PHKG2: variants seen among roughly 807,000 people sequenced by gnomAD.
PHKG2 encodes the protein phosphorylase kinase catalytic subunit gamma 2.
Under a neutral mutation model 44.5 loss-of-function variants are expected in PHKG2, and 28 were observed. That is an observed-to-expected ratio of 0.63 (90% CI 0.47 to 0.86). The LOEUF (loss-of-function observed/expected upper bound fraction) is 0.86. Ranked by LOEUF, PHKG2 falls within the 40% of genes least tolerant of loss-of-function variation. The pLI is 0.00. For missense variants in PHKG2, 498 were observed against 547.5 expected (o/e 0.91, Z 0.90); for synonymous variants, 220 against 211.2 (o/e 1.04, Z -0.36).
Position 30,757,295 on chromosome 16 carries a change from A to T in PHKG2, c.*198A>T. ...CTGGGGTGGAAGGGAGCCATTCTGA[A>T]CGCCACGCCTGGCCCGGTCAGTGCT... On this transcript the variant is annotated 3_prime_UTR_variant, in exon 10 of 10. Coordinates refer to ENST00000563588, the MANE Select transcript of PHKG2 (RefSeq NM_000294.3). 6.5e-7 allele frequency: 1 copy of T among 1,538,588 alleles called. No individual in the cohort carries two copies. The highest frequency in any genetic ancestry group is 8.7e-7 in the Non-Finnish European group (1 of 1,150,900).
Position 30,751,179 on chromosome 16 carries a change from G to T in PHKG2, c.169G>T (p.Val57Leu), listed in dbSNP as rs766541878. ...CGAGTTTGCGGTGAAGATTATGGAA[G>T]TGACAGCTGAGCGGCTGAGTCCTGA... ...GHEFAVKIME[V>L]TAERLSPEQL... The change falls in exon 3 of 10, where the codon GTG (valine) becomes TTG (leucine). Residue 57 changes from valine (V) to leucine (L), a missense_variant. Val to Leu is a conservative substitution (Grantham distance 32, BLOSUM62 1). Transcript: ENST00000563588. 3 of 1,613,970 alleles carry T rather than the reference G, an allele frequency of 1.9e-6. No individual in the cohort carries two copies. Among genetic ancestry groups the T allele is most frequent in the African/African-American group, 1.3e-5 (1 of 75,066 alleles).
Position 30,758,910 on chromosome 16 carries a change from C to T in PHKG2, c.*1813C>T. Reference sequence around the variant, plus strand: ...CATAAGGGATCATTTAGAGAAAGGACTCTGACTAAAAACAAAAAGTCTGAA... The same window carrying T: ...CATAAGGGATCATTTAGAGAAAGGATTCTGACTAAAAACAAAAAGTCTGAA... On this transcript the variant is annotated 3_prime_UTR_variant, in exon 10 of 10. Transcript: ENST00000563588. 1.3e-6 allele frequency: 2 copies of T among 1,529,202 alleles called. No homozygotes were observed. The highest frequency in any genetic ancestry group is 1.7e-6 in the Non-Finnish European group (2 of 1,143,222). 94.7% of individuals were successfully genotyped at this position (1,529,202 alleles called of 1,614,324 possible).
rs1232805067 is a variant in PHKG2, at chr16:30,758,845, G to A, written c.*1748G>A. 2 of 1,209,636 alleles carry A rather than the reference G, an allele frequency of 1.7e-6. No homozygotes were observed. Among genetic ancestry groups the A allele is most frequent in the African/African-American group, 1.5e-5 (1 of 65,842 alleles). 74.9% of individuals were successfully genotyped at this position (1,209,636 alleles called of 1,614,324 possible). A position where few individuals can be genotyped will look rare whatever the true frequency, so the allele number is the denominator to read the frequency against. The stretch of plus-strand genomic sequence containing the variant: ...ATTACAGGTGTGAGCCACCACGCCT[G>A]GCCTGCAGCTGTGCTTTTATCTGTC... On this transcript the variant is annotated 3_prime_UTR_variant, in exon 10 of 10. Coordinates refer to ENST00000563588, the MANE Select transcript of PHKG2 (RefSeq NM_000294.3).
Position 30,759,359 on chromosome 16 carries a change from ATT to A in PHKG2, c.*2264_*2265del, listed in dbSNP as rs1339307543. The stretch of plus-strand genomic sequence containing the variant: ...CCCCCTACCTGGGGTGTGAAGACGT[ATT>A]TATAGAGCTTGAAGTGGCGGAAGTA... On this transcript the variant is annotated 3_prime_UTR_variant, in exon 10 of 10. Transcript: ENST00000563588. 6.2e-7 allele frequency: 1 copy of A among 1,614,044 alleles called. No individual in the cohort carries two copies. Among genetic ancestry groups the A allele is most frequent in the African/African-American group, 1.3e-5 (1 of 74,938 alleles).
chr16:30,760,953 C>CT lies in PHKG2; in HGVS notation c.*3857dup. ...TCCCTGTGGCCCTCAGTGTCCCCCT[C>CT]TGTACAATACTCCTTAGCGGCCATG... On this transcript the variant is annotated 3_prime_UTR_variant, in exon 10 of 10. Transcript: ENST00000563588. 1.6e-6 allele frequency: 1 copy of CT among 610,836 alleles called. No homozygotes were observed. The highest frequency in any genetic ancestry group is 2.0e-5 in the South Asian group (1 of 50,018). The allele number at this position is 610,836 out of a possible 1,614,324, so 37.8% of individuals were successfully genotyped here.
intron 4 of PHKG2, chr16:30,752,851 G>T: frequency 3.1e-6 from 1 of 325,412 alleles, no homozygotes; most frequent in South Asian, 2.9e-5. Flanking sequence ...AGCTTTTAAA[G>T]ACGAAACTTC....
Position 30,749,340 on chromosome 16 carries a change from T to TTTTG in PHKG2, c.95+445_95+448dup, listed in dbSNP as rs771641946. ...TCTCAGGAGAAGACTGGATAGTTGG[T>TTTTG]TTTGTTTGTTTGTTTGTTTGTTTTT... On this transcript the variant is annotated intron_variant, in intron 2 of 9. Transcript: ENST00000563588. Among the ~76,000 whole-genome samples the TTTTG allele has an allele frequency of 1.6e-4, 25 of 151,918 alleles. No individual in the cohort carries two copies. The East Asian group carries it at 1.9e-3, about 12-fold the overall frequency.
Position 30,757,658 on chromosome 16 carries a change from C to CAGGGGCAGGGAAGA in PHKG2, c.*572_*585dup. 2 of 1,608,258 alleles carry CAGGGGCAGGGAAGA rather than the reference C, an allele frequency of 1.2e-6. No homozygotes were observed. Among genetic ancestry groups the CAGGGGCAGGGAAGA allele is most frequent in the Non-Finnish European group, 1.7e-6 (2 of 1,176,216 alleles). On this transcript the variant is annotated 3_prime_UTR_variant, in exon 10 of 10. Transcript: ENST00000563588. The stretch of plus-strand genomic sequence containing the variant: ...GCTCGGAGGACGTGGATGTGGCCTG[C>CAGGGGCAGGGAAGA]AGGGGCAGGGAAGAAGGGGCAGGGT...
chr16:30,753,722 T>C (rs888710494), intron 6 of PHKG2, among the ~76,000 whole-genome samples, 165 bp downstream of exon 6: 6 of 151,988 alleles, frequency 3.9e-5, no homozygotes, highest in African/African-American at 1.5e-4. Context: ...TACCTCAGAG[T>C]GGGCATCCTG....
rs561652243 is a variant in PHKG2, at chr16:30,759,498, C to T, written c.*2401C>T. 1.7e-4 allele frequency: 267 copies of T among 1,614,192 alleles called. 1 individual carries two copies. Among genetic ancestry groups the T allele is most frequent in the Middle Eastern group, 8.3e-4 (5 of 6,058 alleles). ...CGGAATTAGAACCCTGACTACCTTC[C>T]GGAGCCCTGGCTTTGCCTCCAAAAG... On this transcript the variant is annotated 3_prime_UTR_variant, in exon 10 of 10. Transcript: ENST00000563588.
intron 4 of PHKG2, among the ~76,000 whole-genome samples, chr16:30,752,123 G>C (rs1427850878): frequency 1.4e-5 from 2 of 144,470 alleles, no homozygotes; most frequent in Non-Finnish European, 3.0e-5. Context: ...CCAGCCAGAC[G>C]TGGTAGCTCA....
rs2053479962 is a variant in PHKG2, at chr16:30,757,774, T to C, written c.*677T>C. 4 of 1,442,950 alleles carry C rather than the reference T, an allele frequency of 2.8e-6. No homozygotes were observed. Among genetic ancestry groups the C allele is most frequent in the Non-Finnish European group, 3.6e-6 (4 of 1,101,782 alleles). The allele number at this position is 1,442,950 out of a possible 1,614,324, so 89.4% of individuals were successfully genotyped here. A position where few individuals can be genotyped will look rare whatever the true frequency, so the allele number is the denominator to read the frequency against. ...CCTGGTGGGGATATAGAGGTAGCAATGTTGTTTCCCTTTAGGAAATGTTAG... is the reference window on the plus strand; with the variant it reads ...CCTGGTGGGGATATAGAGGTAGCAACGTTGTTTCCCTTTAGGAAATGTTAG... On this transcript the variant is annotated 3_prime_UTR_variant, in exon 10 of 10. Transcript: ENST00000563588.
rs769471773 is a variant in PHKG2 at position 30,760,240 on chromosome 16, C to A, written c.*3143C>A. The A allele has an allele frequency of 6.2e-7, 1 of 1,613,820 alleles. No homozygotes were observed. ...ATGGTCACTTGTGCCAGGCCCGGTT[C>A]CTCTTCTCCCTGGGGCTCAAACCTG... On this transcript the variant is annotated 3_prime_UTR_variant, in exon 10 of 10. Coordinates refer to ENST00000563588, the MANE Select transcript of PHKG2 (RefSeq NM_000294.3).
At position 30,760,808 on chromosome 16, in the gene PHKG2, C is replaced by T. The variant is rs190683100; in HGVS notation, c.*3711C>T. The T allele has an allele frequency of 1.3e-6, 1 of 743,500 alleles. No individual in the cohort carries two copies. The highest frequency in any genetic ancestry group is 1.7e-5 in the African/African-American group (1 of 58,184). The allele number at this position is 743,500 out of a possible 1,614,324, so 46.1% of individuals were successfully genotyped here. On this transcript the variant is annotated 3_prime_UTR_variant, in exon 10 of 10. Transcript: ENST00000563588. ...CAGCTTGCTGTGTGACTATGCAAATCGTTAACTCTCTGGGCCTAAATGAAC... is the reference window on the plus strand; with the variant it reads ...CAGCTTGCTGTGTGACTATGCAAATTGTTAACTCTCTGGGCCTAAATGAAC...
At chr16:30,750,934 C>T (rs1490902890) in intron 2 of PHKG2, among the ~76,000 whole-genome samples, 172 bp from the exon 3 acceptor site, 1 of 152,220 alleles carries the variant, frequency 6.6e-6, no homozygotes, top group African/African-American at 2.4e-5. Flanking sequence ...TTGCTGGGTA[C>T]TCAGGTTTCT....
At chr16:30,750,862 T>G (rs753125413) in intron 2 of PHKG2, among the ~76,000 whole-genome samples, 3 of 152,214 alleles carry the variant, frequency 2.0e-5, no homozygotes, top group Non-Finnish European at 4.4e-5. Context: ...ATGGAGGAAG[T>G]GGCAGAGCCT....
At chr16:30,754,418 A>G (rs941018440) in intron 6 of PHKG2, among the ~76,000 whole-genome samples, 1 of 152,108 alleles carries the variant, frequency 6.6e-6, no homozygotes, top group African/African-American at 2.4e-5. Context: ...CTCCTGTCCC[A>G]GCCTCCAGAA....
Position 30,756,395 on chromosome 16 carries a change from C to A in PHKG2, c.676C>A (p.Leu226Ile), listed in dbSNP as rs760671224. The change falls in exon 8 of 10, where the codon CTC becomes ATC. Residue 226 changes from leucine (L) to isoleucine (I), a missense_variant. Transcript: ENST00000563588. ...GGCCTGTGGGGTGATCTTGTTCACA[C>A]TCCTGGCTGGCTCGCCACCCTTCTG... ...LWACGVILFT[L>I]LAGSPPFWHR... 3 of 1,614,018 alleles carry A rather than the reference C, an allele frequency of 1.9e-6. No individual in the cohort carries two copies. In the Admixed American group the frequency reaches 5.0e-5, roughly 27 times the overall value.
chr16:30,760,408 C>G lies in PHKG2; in HGVS notation c.*3311C>G, dbSNP rs1216662809. The G allele has an allele frequency of 6.2e-7, 1 of 1,614,214 alleles. No individual in the cohort carries two copies. On this transcript the variant is annotated 3_prime_UTR_variant, in exon 10 of 10. Transcript: ENST00000563588. ...AGAGGTCCAGGGTGATGGCGTCCCT[C>G]AGGCTCTGCTCAGGACACCCTAGCT... is the stretch of plus-strand genomic sequence containing the variant.
Sources: allele counts gnomAD v4.1 joint callset (sites outside exome capture counted in the v4.1 genomes callset), GRCh38; gene constraint gnomAD v4.1.1; transcripts MANE v1.5; gene names NCBI Gene and HGNC (gene_info 2026-07-23, HGNC 2026-07-21).